TANGO2: variants seen among roughly 807,000 people sequenced by gnomAD.
TANGO2 encodes transport and golgi organization 2 homolog, also known as transport and Golgi organization protein 2 homolog.
TANGO2 carries 26 observed loss-of-function variants against 39.1 expected under a neutral mutation model. The observed-to-expected ratio is 0.67, with a 90% CI of 0.49 to 0.92. TANGO2 has a LOEUF of 0.92. TANGO2 is among the 40% of genes least tolerant of loss of function. The pLI, the probability that TANGO2 is intolerant of heterozygous loss-of-function variation, is 0.00. For synonymous variants in TANGO2, 131 were observed against 144.5 expected (o/e 0.91, Z 0.67); for missense variants, 326 against 360.1 (o/e 0.91, Z 0.77).
chr22:20,046,234 C>G lies in TANGO2; in HGVS notation c.145+2791C>G, dbSNP rs114166464. On this transcript the variant is annotated intron_variant, in intron 3 of 8. Coordinates refer to ENST00000327374, the MANE Select transcript of TANGO2 (RefSeq NM_152906.7). ...AATCCTGTCTCACTGCAGCCTCTAA[C>G]TCCTGGCCTCAAGTGATCCTCCCAC... Among the ~76,000 whole-genome samples the G allele has an allele frequency of 1.0e-2, 1,518 of 152,172 alleles. 29 individuals are homozygous for G. The highest frequency in any genetic ancestry group is 0.035 in the African/African-American group (1,435 of 41,514).
intron 2 of TANGO2, among the ~76,000 whole-genome samples, chr22:20,040,232 T>G (rs1455830535): frequency 2.0e-5 from 3 of 152,212 alleles, no homozygotes; most frequent in Non-Finnish European, 1.5e-5. Flanking sequence ...AACCTGGCAA[T>G]TAATGTTCCT....
intron 6 of TANGO2, chr22:20,061,146 C>G (rs1382822507): frequency 1.2e-5 from 2 of 167,872 alleles, no homozygotes; most frequent in African/African-American, 2.4e-5. Flanking sequence ...CCTCTGGTGG[C>G]TAATTCTCCC....
chr22:20,036,997 G>A, intron 2 of TANGO2, 143 bp downstream of exon 2: 1 of 1,597,428 alleles, frequency 6.3e-7, no homozygotes, highest in Non-Finnish European at 8.5e-7. Context: ...TCCAGGACAG[G>A]GTCACTCAGT....
Position 20,052,578 on chromosome 22 carries a change from G to GGGCGAGGTAA in TANGO2, c.265+1_265+10dup, listed in dbSNP as rs1040130278. The stretch of plus-strand genomic sequence containing the variant: ...GCCGCAGCTGGACTGGCAGGCCCGA[G>GGGCGAGGTAA]GGCGAGGTAAGGCGAGTGGGGTGGG... On this transcript the variant is annotated frameshift_variant, in exon 4 of 9. Transcript: ENST00000327374. LOFTEE classifies it high-confidence loss of function. The GGGCGAGGTAA allele has an allele frequency of 6.4e-7, 1 of 1,570,462 alleles. No individual in the cohort carries two copies. The highest frequency in any genetic ancestry group is 1.4e-5 in the African/African-American group (1 of 73,966).
intron 3 of TANGO2, among the ~76,000 whole-genome samples, chr22:20,045,545 C>T (rs984885526): frequency 1.4e-5 from 2 of 145,172 alleles, no homozygotes; most frequent in Admixed American, 1.4e-4. Flanking sequence ...CTCTTGTTGC[C>T]CAGGCTGGAG....
intron 1 of TANGO2, among the ~76,000 whole-genome samples, chr22:20,024,321 T>A (rs2040313427): frequency 1.3e-5 from 2 of 152,234 alleles, no homozygotes; most frequent in Admixed American, 6.5e-5. Flanking sequence ...GACTGGAGAC[T>A]CAGAGGGTTT....
chr22:20,038,703 A>G (rs1040755089), intron 2 of TANGO2, among the ~76,000 whole-genome samples: 1 of 152,088 alleles, frequency 6.6e-6, no homozygotes, highest in Non-Finnish European at 1.5e-5. Context: ...TCCTGACTTC[A>G]TGGGAGGGTG....
chr22:20,017,598 G>A (rs916720577), upstream of TANGO2, among the ~76,000 whole-genome samples: 2 of 152,188 alleles, frequency 1.3e-5, no homozygotes, highest in Non-Finnish European at 2.9e-5. Context: ...CAGCCCCACA[G>A]CTCTGCGTCT....
chr22:20,037,144 T>C, intron 2 of TANGO2: 1 of 1,492,012 alleles, frequency 6.7e-7, no homozygotes, highest in South Asian at 1.4e-5. Context: ...TTCTATGGGC[T>C]TTGAGGAGGG....
rs1327010009 is a variant in TANGO2 at position 20,057,486 on chromosome 22, C to T, written c.451+1473C>T. On this transcript the variant is annotated intron_variant, in intron 6 of 8. Coordinates refer to ENST00000327374, the MANE Select transcript of TANGO2 (RefSeq NM_152906.7). The surrounding 1 kb of genome is among the most constrained non-coding windows in gnomAD (Gnocchi z 4.1). ...CTCCTCCACCTGGGGCTTATCCTTCCGGCCACCCTCTGTGACCCTGGTCTT... is the reference window on the plus strand; with the variant it reads ...CTCCTCCACCTGGGGCTTATCCTTCTGGCCACCCTCTGTGACCCTGGTCTT... Among the ~76,000 whole-genome samples, 2 of 152,214 alleles carry T rather than the reference C, an allele frequency of 1.3e-5. No homozygotes were observed. The highest frequency in any genetic ancestry group is 2.9e-5 in the Non-Finnish European group (2 of 68,046).
At chr22:20,056,449 A>G (rs1328223976) in intron 6 of TANGO2, 1 of 460,448 alleles carries the variant, frequency 2.2e-6, no homozygotes, top group Middle Eastern at 3.2e-4. Flanking sequence ...TCCTGCACCC[A>G]GTCCCCAGTC....
At chr22:20,035,909 G>A (rs1158524876) in intron 1 of TANGO2, among the ~76,000 whole-genome samples, 1 of 152,112 alleles carries the variant, frequency 6.6e-6, no homozygotes, top group African/African-American at 2.4e-5. Flanking sequence ...GAAGAAACAG[G>A]ATATACTAGG....
At chr22:20,038,925 GT>G (rs11361190) in intron 2 of TANGO2, among the ~76,000 whole-genome samples, 111,674 of 142,466 alleles carry the variant, frequency 0.78, 43,019 homozygotes, top group African/African-American at 0.81. Context: ...AGGCCACTAT[GT>G]TTTTTTTTTT....
At chr22:20,035,560 G>A (rs1436028306) in intron 1 of TANGO2, among the ~76,000 whole-genome samples, 3 of 152,236 alleles carry the variant, frequency 2.0e-5, no homozygotes, top group African/African-American at 7.2e-5. Context: ...GGCCCCAGAG[G>A]TCCCTGGGTG....
intron 6 of TANGO2, 25 bp from the exon 7 acceptor site, chr22:20,061,505 A>C: frequency 6.3e-7 from 1 of 1,586,164 alleles, no homozygotes; most frequent in Non-Finnish European, 8.6e-7. Flanking sequence ...GGGCCTCTGC[A>C]TGGCCCGCTG....
At chr22:20,019,051 G>A (rs2531701), upstream of TANGO2, 76,122 of 151,600 alleles carry the variant, frequency 0.5, 21,619 homozygotes, top group African/African-American at 0.8. Context: ...ACCACCGCAC[G>A]GCAGCCTAGG....
intron 3 of TANGO2, among the ~76,000 whole-genome samples, chr22:20,044,492 C>A (rs952360945): frequency 2.0e-5 from 3 of 152,210 alleles, no homozygotes; most frequent in South Asian, 4.1e-4. Flanking sequence ...TGCCACTGCA[C>A]TCCAGCATGG....
rs752074936 is a variant in TANGO2 at position 20,043,330 on chromosome 22, C to T, written c.57-25C>T. The T allele has an allele frequency of 3.2e-6, 5 of 1,560,878 alleles. No individual in the cohort carries two copies. In the South Asian group the frequency reaches 5.6e-5, roughly 17 times the overall value. ...TGGCTCGCTCGTTTCCATCTGAAGC[C>T]ATCAGTGATGCTTTCCTCTTGCAGG... On this transcript the variant is annotated intron_variant, in intron 2 of 8. Transcript: ENST00000327374.
chr22:20,057,589 C>T lies in TANGO2; in HGVS notation c.451+1576C>T, dbSNP rs1424283559. 6.6e-6 allele frequency among the ~76,000 whole-genome samples: 1 copy of T among 152,216 alleles called. No homozygotes were observed. Among genetic ancestry groups the T allele is most frequent in the Non-Finnish European group, 1.5e-5 (1 of 68,030 alleles). ...CTGGGCAGTGGCACAGACACAGAGACTACCAGCGAGGCAGGGATGTGGCCC... is the reference window on the plus strand; with the variant it reads ...CTGGGCAGTGGCACAGACACAGAGATTACCAGCGAGGCAGGGATGTGGCCC... On this transcript the variant is annotated intron_variant, in intron 6 of 8. Coordinates refer to ENST00000327374, the MANE Select transcript of TANGO2 (RefSeq NM_152906.7). The surrounding 1 kb of genome is among the most constrained non-coding windows in gnomAD (Gnocchi z 4.1).
Sources: gnomAD v4.1 joint callset for allele counts (sites outside exome capture counted in the v4.1 genomes callset) on GRCh38, gnomAD v4.1.1 for gene constraint, Gnocchi (gnomAD v3.1) non-coding constraint, MANE v1.5 for transcripts, NCBI Gene and HGNC (gene_info 2026-07-23, HGNC 2026-07-21) for gene names.